CEP85L: variants seen among roughly 807,000 people sequenced by gnomAD.
CEP85L encodes centrosomal protein 85L.
CEP85L carries 60 observed loss-of-function variants against 100.3 expected under a neutral mutation model. That is an observed-to-expected ratio of 0.60 (90% CI 0.49 to 0.74). CEP85L has a LOEUF of 0.74. CEP85L is among the 30% of genes least tolerant of loss of function. The pLI, the probability that CEP85L is intolerant of heterozygous loss-of-function variation, is 0.00. For synonymous variants in CEP85L, 319 were observed against 322.7 expected, an observed-to-expected ratio of 0.99 and a Z score of 0.12; for missense variants, 973 against 936.2, an observed-to-expected ratio of 1.04 and a Z score of -0.51.
chr6:118,464,228 G>A lies in CEP85L; in HGVS notation c.*1177C>T, dbSNP rs532290034. 10 of 152,308 alleles carry A rather than the reference G, an allele frequency of 6.6e-5. No individual in the cohort carries two copies. In the East Asian group the frequency reaches 1.9e-3, roughly 29 times the overall value. 9.4% of individuals were successfully genotyped at this position (152,308 alleles called of 1,614,324 possible). ...AAACATGGACAACACTCATTTGGAA[G>A]TTTAAATGACTGTACGTCTACTGCA... On this transcript the variant is annotated 3_prime_UTR_variant, in exon 13 of 13. Transcript: ENST00000368491.
intron 1 of CEP85L, among the ~76,000 whole-genome samples, chr6:118,678,156 A>C (rs1006035365): frequency 7.9e-5 from 12 of 152,222 alleles, no homozygotes; most frequent in Admixed American, 3.3e-4. Context: ...TGGAGAAGGA[A>C]ACAGAATTAG....
At chr6:118,537,546 C>T in intron 3 of CEP85L, 1 of 985,248 alleles carries the variant, frequency 1.0e-6, no homozygotes, top group Non-Finnish European at 1.2e-6. Context: ...ATGGCAGATT[C>T]CACTCTCAAA....
rs772701490 is a variant in CEP85L at position 118,565,505 on chromosome 6, C to T, written c.1020+24G>A. 4 of 1,609,874 alleles carry T rather than the reference C, an allele frequency of 2.5e-6. No homozygotes were observed. The East Asian group carries it at 6.7e-5, about 27-fold the overall frequency. On this transcript the variant is annotated intron_variant, in intron 3 of 12. Transcript: ENST00000368491. ...ACTCATAACATCCACTGGAGGGAAG[C>T]AAACACTAGATTTTGCACCTTACCT... is the stretch of plus-strand genomic sequence containing the variant.
At chr6:118,630,627 T>C (rs1224984408) in intron 2 of CEP85L, among the ~76,000 whole-genome samples, 2 of 152,170 alleles carry the variant, frequency 1.3e-5, no homozygotes, top group African/African-American at 4.8e-5. Context: ...CATCAAGCCA[T>C]GAAAAGACAT....
At chr6:118,490,162 G>C (rs1351348649) in intron 6 of CEP85L, among the ~76,000 whole-genome samples, 1 of 152,126 alleles carries the variant, frequency 6.6e-6, no homozygotes, top group African/African-American at 2.4e-5. Context: ...ATGAAACAGA[G>C]AGTAGACTGG....
Position 118,569,341 on chromosome 6 carries a change from C to CAAAAAAAAAAAAA in CEP85L, c.233-3038_233-3026dup, listed in dbSNP as rs56123225. Among the ~76,000 whole-genome samples the CAAAAAAAAAAAAA allele has an allele frequency of 7.2e-4, 49 of 68,208 alleles. 1 individual carries two copies. The highest frequency in any genetic ancestry group is 9.4e-4 in the African/African-American group (14 of 14,928). 44.7% of individuals were successfully genotyped at this position (68,208 alleles called of 152,430 possible). ...TGGGTGACAAGGCTAGACTCTGTCT[C>CAAAAAAAAAAAAA]AAAAAAAAAAAAAAAAAAAAAAAAA... On this transcript the variant is annotated intron_variant, in intron 2 of 12. Coordinates refer to ENST00000368491, the MANE Select transcript of CEP85L (RefSeq NM_001042475.3).
At chr6:118,558,896 T>C in intron 3 of CEP85L, 1 of 1,608,158 alleles carries the variant, frequency 6.2e-7, no homozygotes, top group Non-Finnish European at 8.5e-7. Flanking sequence ...CACTTAAAAC[T>C]TCAGACTTCC....
intron 5 of CEP85L, among the ~76,000 whole-genome samples, chr6:118,505,989 T>C (rs540768978): frequency 6.6e-6 from 1 of 152,278 alleles, no homozygotes; most frequent in East Asian, 1.9e-4. Flanking sequence ...TGTGAAGATA[T>C]GGAGGATATG....
chr6:118,518,043 C>T (rs1006892908), intron 4 of CEP85L, among the ~76,000 whole-genome samples: 3 of 152,090 alleles, frequency 2.0e-5, no homozygotes, highest in Admixed American at 6.5e-5. Context: ...TATTGATATG[C>T]GTATGTTGAA....
chr6:118,648,540 G>A (rs1298370076), intron 1 of CEP85L, among the ~76,000 whole-genome samples: 1 of 152,048 alleles, frequency 6.6e-6, no homozygotes, highest in East Asian at 1.9e-4. Context: ...AGGAGATCGA[G>A]ACCACCCTGG....
intron 3 of CEP85L, among the ~76,000 whole-genome samples, chr6:118,552,324 T>C (rs1285177739): frequency 1.3e-5 from 2 of 152,046 alleles, no homozygotes; most frequent in Non-Finnish European, 2.9e-5. Flanking sequence ...CTGCAAGAAG[T>C]GAACATACTT....
chr6:118,657,234 G>A (rs1775826088), upstream of CEP85L: 1 of 152,344 alleles, frequency 6.6e-6, no homozygotes, highest in Non-Finnish European at 1.5e-5. Flanking sequence ...TGAGTTACCA[G>A]GAAGGCAGCA....
intron 1 of CEP85L, among the ~76,000 whole-genome samples, chr6:118,645,793 T>C (rs920597089): frequency 1.1e-4 from 17 of 152,256 alleles, no homozygotes; most frequent in African/African-American, 4.1e-4. Context: ...CAGAGGCTTA[T>C]ACAATGTCTA....
chr6:118,707,514 C>A (rs1372016985), intron 1 of CEP85L, among the ~76,000 whole-genome samples: 1 of 152,094 alleles, frequency 6.6e-6, no homozygotes, highest in African/African-American at 2.4e-5. Flanking sequence ...CTTTTTAGCT[C>A]CTCATTCAAT....
At chr6:118,514,610 T>C (rs554782198) in intron 4 of CEP85L, among the ~76,000 whole-genome samples, 4 of 152,124 alleles carry the variant, frequency 2.6e-5, no homozygotes, top group African/African-American at 9.6e-5. Context: ...GTAAATGGTT[T>C]AGATACTCCC....
At chr6:118,518,215 G>A (rs1776400563) in intron 4 of CEP85L, among the ~76,000 whole-genome samples, 1 of 152,142 alleles carries the variant, frequency 6.6e-6, no homozygotes. Flanking sequence ...TCTCTGCCAG[G>A]TTTTGTCATC....
At chr6:118,474,470 TG>T (rs763742091) in intron 10 of CEP85L, among the ~76,000 whole-genome samples, 1 of 152,132 alleles carries the variant, frequency 6.6e-6, no homozygotes, top group Non-Finnish European at 1.5e-5. Context: ...AACCAAGAGA[TG>T]GGGGGCTCCC....
At chr6:118,575,524 CT>C (rs1780172772) in intron 2 of CEP85L, among the ~76,000 whole-genome samples, 2 of 152,194 alleles carry the variant, frequency 1.3e-5, no homozygotes, top group Admixed American at 1.3e-4. Context: ...CCAGAAACTA[CT>C]TACCCTTTAG....
At chr6:118,479,776 A>G in intron 10 of CEP85L, 95 bp downstream of exon 10, 1 of 552,494 alleles carries the variant, frequency 1.8e-6, no homozygotes, top group Non-Finnish European at 3.1e-6. Flanking sequence ...ATCTTTCCAT[A>G]CGATATATGC....
Sources: gnomAD v4.1 joint callset for allele counts (sites outside exome capture counted in the v4.1 genomes callset) on GRCh38, gnomAD v4.1.1 for gene constraint, MANE v1.5 for transcripts, NCBI Gene and HGNC (gene_info 2026-07-23, HGNC 2026-07-21) for gene names.